The following PDXDC1 variants were observed in gnomAD, a reference collection of about 807,000 sequenced individuals.
PDXDC1 encodes pyridoxal-dependent decarboxylase domain-containing protein 1.
A neutral mutation model predicts 100.1 loss-of-function variants in PDXDC1; 42 were observed. The ratio of observed to expected loss-of-function variants is 0.42; its 90% CI spans 0.33 to 0.54. PDXDC1 has a LOEUF of 0.54. Among genes scored for constraint, PDXDC1 ranks in the 20% least tolerant of loss-of-function variants. PDXDC1 has a pLI of 0.10. For synonymous variants in PDXDC1, 260 were observed against 371.7 expected, an observed-to-expected ratio of 0.70 and a Z score of 3.46; for missense variants, 636 against 979.2, an observed-to-expected ratio of 0.65 and a Z score of 4.68.
intron 16 of PDXDC1, among the ~76,000 whole-genome samples, chr16:15,111,480 C>T (rs1471930878): frequency 5.9e-5 from 8 of 135,462 alleles, no homozygotes; most frequent in Non-Finnish European, 1.1e-4. Flanking sequence ...AAAAAATAGG[C>T]CAGGTGTGGT....
intron 16 of PDXDC1, among the ~76,000 whole-genome samples, chr16:15,056,303 C>T (rs543202891): frequency 6.6e-6 from 1 of 152,318 alleles, no homozygotes; most frequent in South Asian, 2.1e-4. Flanking sequence ...GAAAGGAGAG[C>T]TGCCAGGGAG....
At chr16:15,144,991 C>G in the PDXDC1 span, among the ~76,000 whole-genome samples, 2 of 152,170 alleles carry the variant, frequency 1.3e-5, no homozygotes, top group Non-Finnish European at 2.9e-5. Flanking sequence ...TTGTGACCCC[C>G]TTGCATCCCT....
At position 14,990,187 on chromosome 16, in the gene PDXDC1, C is replaced by CAA. The variant is rs1970431193; in HGVS notation, c.22-7566_22-7565insAA. On this transcript the variant is annotated intron_variant, in intron 1 of 22. Coordinates refer to ENST00000396410, the MANE Select transcript of PDXDC1 (RefSeq NM_015027.4). ...GGGCCGCCAGGCGCGGGCAAGGGCG[C>CAA]GAGGGCGGCCGCCGGGCCCGCCGCC... is the stretch of plus-strand genomic sequence containing the variant. The CAA allele has an allele frequency of 3.4e-6, 4 of 1,177,806 alleles. No individual in the cohort carries two copies. In the African/African-American group the frequency reaches 4.9e-5, roughly 15 times the overall value. The allele number at this position is 1,177,806 out of a possible 1,614,324, so 73.0% of individuals were successfully genotyped here.
intron 16 of PDXDC1, among the ~76,000 whole-genome samples, chr16:15,058,079 AAGG>A (rs1328288550): frequency 6.6e-6 from 1 of 152,150 alleles, no homozygotes; most frequent in African/African-American, 2.4e-5. Context: ...TGAAAGGCCG[AAGG>A]AGGACTCACT....
At chr16:15,147,260 G>A in the PDXDC1 span, among the ~76,000 whole-genome samples, 8 of 152,128 alleles carry the variant, frequency 5.3e-5, no homozygotes, top group Admixed American at 2.6e-4. Flanking sequence ...AGCCCGACTC[G>A]GAAGCGCCAC....
chr16:14,982,643 A>G (rs1376554662), intron 1 of PDXDC1, among the ~76,000 whole-genome samples: 1 of 152,286 alleles, frequency 6.6e-6, no homozygotes. Context: ...AAATGTAGAA[A>G]CTGAGACTCC....
the PDXDC1 span, among the ~76,000 whole-genome samples, chr16:15,150,012 G>A: frequency 6.6e-6 from 1 of 152,068 alleles, no homozygotes; most frequent in South Asian, 2.1e-4. Flanking sequence ...TCAACAAATT[G>A]CACAAGGAAA....
chr16:15,055,793 C>A, intron 16 of PDXDC1: 1 of 629,524 alleles, frequency 1.6e-6, no homozygotes, highest in Non-Finnish European at 2.3e-6. Flanking sequence ...GTGCCAACAG[C>A]GCCAAGTTTC....
rs1716775369 is a variant in PDXDC1 at position 14,989,150 on chromosome 16, G to A, written c.22-8603G>A. On this transcript the variant is annotated intron_variant, in intron 1 of 22. Coordinates refer to ENST00000396410, the MANE Select transcript of PDXDC1 (RefSeq NM_015027.4). ...CTCCTGGGCTGAAGAGCTGAGCCCA[G>A]AGGAGCTGGTGGTCTTGAAGCAGCT... The A allele has an allele frequency of 2.5e-5, 41 of 1,614,226 alleles. 1 individual carries two copies. In the South Asian group the frequency reaches 3.8e-4, roughly 15 times the overall value.
intron 1 of PDXDC1, chr16:14,996,471 A>C (rs1414196062): frequency 4.7e-6 from 1 of 210,706 alleles, no homozygotes; most frequent in African/African-American, 2.4e-5. Flanking sequence ...TATTGTTATA[A>C]CACAACTCAT....
At chr16:15,145,523 G>A in the PDXDC1 span, among the ~76,000 whole-genome samples, 1 of 152,264 alleles carries the variant, frequency 6.6e-6, no homozygotes, top group Non-Finnish European at 1.5e-5. Flanking sequence ...AAGCCAGCCT[G>A]TCTTCAGATC....
chr16:15,062,734 C>T (rs1006513312), intron 16 of PDXDC1, among the ~76,000 whole-genome samples: 5 of 152,220 alleles, frequency 3.3e-5, no homozygotes, highest in Non-Finnish European at 7.3e-5. Context: ...AATTAACCTT[C>T]GCTTCTCACA....
intron 21 of PDXDC1, among the ~76,000 whole-genome samples, chr16:15,034,986 G>A (rs762637167): frequency 6.6e-5 from 10 of 152,196 alleles, no homozygotes; most frequent in South Asian, 4.1e-4. Context: ...GCCAGCAAGC[G>A]TTTCAGCCGC....
At chr16:15,032,653 T>TAAAAAAAAAAA (rs377361206) in intron 17 of PDXDC1, 2 of 215,832 alleles carry the variant, frequency 9.3e-6, no homozygotes, top group East Asian at 1.3e-4. Flanking sequence ...GACCCTGCTT[T>TAAAAAAAAAAA]AAAAAAAAAA....
At chr16:14,979,585 C>T (rs1172022524) in intron 1 of PDXDC1, among the ~76,000 whole-genome samples, 1 of 152,292 alleles carries the variant, frequency 6.6e-6, no homozygotes, top group Non-Finnish European at 1.5e-5. Context: ...CTACTGTGCC[C>T]AGCCAATTAC....
chr16:15,001,293 A>C (rs563469056), intron 3 of PDXDC1, among the ~76,000 whole-genome samples: 235 of 152,274 alleles, frequency 1.5e-3, no homozygotes, highest in African/African-American at 5.3e-3. Context: ...GTTGAAGACC[A>C]GTCTGGCCAA....
At chr16:15,083,194 T>A (rs2045774440) in intron 16 of PDXDC1, among the ~76,000 whole-genome samples, 1 of 152,084 alleles carries the variant, frequency 6.6e-6, no homozygotes, top group South Asian at 2.1e-4. Flanking sequence ...AGGTCAGGCG[T>A]TCGATACCAG....
chr16:15,079,213 C>T (rs886737735), intron 16 of PDXDC1, among the ~76,000 whole-genome samples: 3 of 152,174 alleles, frequency 2.0e-5, no homozygotes, highest in East Asian at 1.9e-4. Context: ...CTCCCCTCCT[C>T]CAAACCAGTC....
intron 16 of PDXDC1, chr16:15,128,526 A>G (rs2047879816): frequency 7.7e-6 from 5 of 648,002 alleles, no homozygotes; most frequent in Non-Finnish European, 8.3e-6. Flanking sequence ...CGGCTCTGCC[A>G]TACACGAGGA....
Sources: gnomAD v4.1 joint callset for allele counts (sites outside exome capture counted in the v4.1 genomes callset) on GRCh38, gnomAD v4.1.1 for gene constraint, MANE v1.5 for transcripts, NCBI Gene and HGNC (gene_info 2026-07-23, HGNC 2026-07-21) for gene names.